Variants in SP140 observed in about 807,000 individuals in gnomAD.
SP140 encodes the protein nuclear body protein SP140.
In SP140, 81 loss-of-function variants were observed where a neutral mutation model predicts 125.0. The observed-to-expected ratio is 0.65, with a 90% confidence interval of 0.54 to 0.78. The LOEUF (loss-of-function observed/expected upper bound fraction) is 0.78, where lower values mean the gene tolerates loss of function less well. Among genes scored for constraint, SP140 ranks in the 30% least tolerant of loss-of-function variants. The pLI, the probability that SP140 is intolerant of heterozygous loss-of-function variation, is 0.00. For synonymous variants in SP140, 312 were observed against 354.0 expected, an observed-to-expected ratio of 0.88 and a Z score of 1.33; for missense variants, 858 against 1,037.0, an observed-to-expected ratio of 0.83 and a Z score of 2.37.
intron 22 of SP140, among the ~76,000 whole-genome samples, chr2:230,306,682 G>A (rs2058791459): frequency 6.6e-6 from 1 of 152,266 alleles, no homozygotes; most frequent in Non-Finnish European, 1.5e-5. Flanking sequence ...ACATGCTTGG[G>A]GCAGAGCTGA....
chr2:230,276,680 A>T (rs540344511), intron 15 of SP140, among the ~76,000 whole-genome samples: 1 of 152,332 alleles, frequency 6.6e-6, no homozygotes, highest in East Asian at 1.9e-4. Flanking sequence ...GTCTCTATAC[A>T]TAATGATTCT....
chr2:230,316,487 TAATA>T (rs1218495400), downstream of SP140, among the ~76,000 whole-genome samples: 2 of 152,206 alleles, frequency 1.3e-5, no homozygotes, highest in Admixed American at 6.5e-5. Context: ...TATACCATCT[TAATA>T]AATAAAAAAT....
At chr2:230,238,860 G>T (rs775194487) in intron 3 of SP140, 2 of 1,552,858 alleles carry the variant, frequency 1.3e-6, no homozygotes, top group Non-Finnish European at 1.7e-6. Context: ...ACACTGAGGA[G>T]GAGCTGCATG....
chr2:230,309,307 A>T (rs1237444906), intron 22 of SP140, among the ~76,000 whole-genome samples: 1 of 152,082 alleles, frequency 6.6e-6, no homozygotes, highest in African/African-American at 2.4e-5. Flanking sequence ...GTCAAGGGGG[A>T]TGTATGCCAG....
At chr2:230,242,858 C>A (rs892209635) in intron 4 of SP140, among the ~76,000 whole-genome samples, 1 of 152,150 alleles carries the variant, frequency 6.6e-6, no homozygotes, top group Non-Finnish European at 1.5e-5. Context: ...ATCTCCATCA[C>A]CCTCATGATT....
At position 230,309,139 on chromosome 2, in the gene SP140, G is replaced by A. The variant is rs551816588; in HGVS notation, c.2059-785G>A. 8.9e-4 allele frequency among the ~76,000 whole-genome samples: 135 copies of A among 152,286 alleles called. No individual in the cohort carries two copies. The South Asian group carries it at 0.012, about 13-fold the overall frequency. On this transcript the variant is annotated intron_variant, in intron 22 of 26. Coordinates refer to ENST00000392045, the MANE Select transcript of SP140 (RefSeq NM_007237.5). ...GAGACTTGTAAGAAATGGAGAATTC[G>A]TTGATTTACCATTCCTTTTATAGAA...
intron 3 of SP140, chr2:230,238,706 C>A: frequency 7.5e-7 from 1 of 1,328,026 alleles, no homozygotes; most frequent in Non-Finnish European, 1.1e-6. Flanking sequence ...AAGGAGGAAG[C>A]CTTCTCTGAT....
chr2:230,290,282 G>A (rs1290992494), intron 18 of SP140, among the ~76,000 whole-genome samples, 178 bp from the exon 19 acceptor site: 3 of 152,162 alleles, frequency 2.0e-5, no homozygotes, highest in Admixed American at 6.5e-5. Flanking sequence ...TGAAATTGGG[G>A]TAGACATTCT....
intron 12 of SP140, 74 bp from the exon 13 acceptor site, chr2:230,269,458 A>G (rs1198360820): frequency 4.5e-6 from 4 of 893,726 alleles, no homozygotes; most frequent in East Asian, 2.4e-5. Context: ...AGTGTGCAGT[A>G]TAGCAGCACT....
chr2:230,296,913 C>A (rs550948881), intron 21 of SP140, among the ~76,000 whole-genome samples: 1 of 152,158 alleles, frequency 6.6e-6, no homozygotes, highest in African/African-American at 2.4e-5. Context: ...TACTTGCACA[C>A]TTTTTATTCT....
At chr2:230,268,197 C>T (rs1455617691) in intron 12 of SP140, among the ~76,000 whole-genome samples, 2 of 152,094 alleles carry the variant, frequency 1.3e-5, no homozygotes, top group East Asian at 1.9e-4. Context: ...AGGCATAAGC[C>T]ACCATGCCTG....
At chr2:230,259,988 T>G (rs1575072863) in intron 12 of SP140, among the ~76,000 whole-genome samples, 1 of 152,086 alleles carries the variant, frequency 6.6e-6, no homozygotes, top group African/African-American at 2.4e-5. Context: ...AAATGGTAGT[T>G]CTATTTTTAG....
intron 15 of SP140, among the ~76,000 whole-genome samples, chr2:230,275,422 T>G (rs2054570045): frequency 6.6e-6 from 1 of 152,160 alleles, no homozygotes; most frequent in African/African-American, 2.4e-5. Flanking sequence ...CTTCCTGTTA[T>G]GGTAGTATGA....
At chr2:230,231,558 G>A (rs1409771397) in intron 1 of SP140, among the ~76,000 whole-genome samples, 6 of 152,164 alleles carry the variant, frequency 3.9e-5, no homozygotes, top group Non-Finnish European at 7.3e-5. Flanking sequence ...TCTTCCAGCT[G>A]TAATCTGCTC....
At chr2:230,210,118 C>T (rs993690618) in intron 1 of SP140, 22 of 779,652 alleles carry the variant, frequency 2.8e-5, no homozygotes, top group Middle Eastern at 6.9e-4. Context: ...AGCCCAGGGC[C>T]GGGAATCTGC....
chr2:230,292,484 A>C (rs981524411), intron 19 of SP140, among the ~76,000 whole-genome samples, 162 bp from the exon 20 acceptor site: 6 of 152,246 alleles, frequency 3.9e-5, no homozygotes, highest in African/African-American at 1.4e-4. Context: ...GGGGATTTTC[A>C]GGCTGGATTT....
chr2:230,191,820 G>T, the SP140 span, among the ~76,000 whole-genome samples: 2 of 151,826 alleles, frequency 1.3e-5, no homozygotes, highest in Admixed American at 1.3e-4. Flanking sequence ...ACTGGGAAGA[G>T]ACACAACAAA....
At chr2:230,307,855 T>A (rs541058174) in intron 22 of SP140, among the ~76,000 whole-genome samples, 1 of 149,542 alleles carries the variant, frequency 6.7e-6, no homozygotes, top group African/African-American at 2.5e-5. Context: ...CTTACAGAGG[T>A]TTCTGGCAAG....
chr2:230,223,970 T>C (rs531609086), upstream of SP140, among the ~76,000 whole-genome samples: 2 of 152,212 alleles, frequency 1.3e-5, no homozygotes, highest in East Asian at 1.9e-4. Context: ...AAGGAAGACA[T>C]TGGGAACCAG....
Sources: gnomAD v4.1 joint callset for allele counts (sites outside exome capture counted in the v4.1 genomes callset) on GRCh38, gnomAD v4.1.1 for gene constraint, MANE v1.5 for transcripts, NCBI Gene and HGNC (gene_info 2026-07-23, HGNC 2026-07-21) for gene names.